Variants in NUP210L observed in about 807,000 individuals in gnomAD.
NUP210L encodes the protein nuclear pore membrane glycoprotein 210-like.
NUP210L carries 74 observed loss-of-function variants against 208.5 expected under a neutral mutation model. That is an observed-to-expected ratio of 0.35 (90% confidence interval 0.29 to 0.43). The LOEUF is 0.43. Ranked by LOEUF, NUP210L falls within the 20% of genes least tolerant of loss-of-function variation. The probability of loss-of-function intolerance (pLI) is 1.00; values close to 1 mark genes in which losing one functional copy is unlikely to be tolerated. For missense variants in NUP210L, 1,843 were observed against 2,289.4 expected (o/e 0.81, Z 3.98); for synonymous variants, 780 against 816.9 (o/e 0.95, Z 0.77).
At chr1:154,100,478 A>T (rs2148062598) in intron 13 of NUP210L, among the ~76,000 whole-genome samples, 5 of 138,930 alleles carry the variant, frequency 3.6e-5, no homozygotes, top group African/African-American at 5.3e-5. Flanking sequence ...AACAAATATG[A>T]TTTCAGTGGG....
intron 11 of NUP210L, 38 bp from the exon 12 acceptor site, chr1:154,117,918 G>A: frequency 6.7e-7 from 1 of 1,486,928 alleles, no homozygotes; most frequent in Non-Finnish European, 9.2e-7. Flanking sequence ...ACAATCGGAA[G>A]AAAATAAAAT....
intron 33 of NUP210L, among the ~76,000 whole-genome samples, chr1:154,013,006 C>CAAAAA (rs149011212): frequency 1.4e-4 from 10 of 72,628 alleles, no homozygotes; most frequent in South Asian, 1.2e-3. Flanking sequence ...AACTCTGAAT[C>CAAAAA]AAAAAAAAAA....
intron 33 of NUP210L, among the ~76,000 whole-genome samples, chr1:154,013,380 C>A (rs1651059499): frequency 6.6e-6 from 1 of 152,038 alleles, no homozygotes; most frequent in Non-Finnish European, 1.5e-5. Flanking sequence ...TTGAGACCAG[C>A]CTGGCCAGCA....
In NUP210L at chr1:153,992,870, G is replaced by A. The variant is rs1450941482; in HGVS notation, c.5632C>T (p.Arg1878Trp). The A allele has an allele frequency of 1.2e-6, 2 of 1,613,278 alleles. No homozygotes were observed. Among genetic ancestry groups the A allele is most frequent in the African/African-American group, 1.3e-5 (1 of 74,958 alleles). ...ATACTCCATAACCAATGTTGCAGCC[G>A]ACTTTGGGCCAATGGAGGTTGTAGA... Residue 1878 changes from arginine (R) to tryptophan (W), a missense_variant, in exon 40 of 40, where the codon CGG (arginine) becomes TGG (tryptophan). Arg to Trp is a moderately radical substitution (Grantham distance 101). Coordinates refer to ENST00000368559, the Ensembl canonical transcript of NUP210L.
chr1:154,103,682 A>G (rs964994053), intron 13 of NUP210L, among the ~76,000 whole-genome samples: 13 of 150,480 alleles, frequency 8.6e-5, no homozygotes, highest in African/African-American at 2.7e-4. Flanking sequence ...AAAAAAAAAA[A>G]AAAAAAGAAA....
intron 6 of NUP210L, among the ~76,000 whole-genome samples, chr1:154,137,722 A>C (rs955399295): frequency 2.0e-5 from 3 of 152,126 alleles, no homozygotes; most frequent in African/African-American, 2.4e-5. Flanking sequence ...TCTCAAAAAA[A>C]TAAAAATAAA....
exon 25 of NUP210L, chr1:154,054,232 G>A: frequency 6.2e-7 from 1 of 1,614,100 alleles, no homozygotes; most frequent in Non-Finnish European, 8.5e-7. Context: ...CAATACCTGA[G>A]AAAACACAAT....
At chr1:154,097,723 T>C (rs1287827088) in intron 14 of NUP210L, among the ~76,000 whole-genome samples, 1 of 152,236 alleles carries the variant, frequency 6.6e-6, no homozygotes, top group East Asian at 1.9e-4. Context: ...GTGCTCCTTA[T>C]TCCAAGAGGC....
At chr1:154,022,266 A>T in exon 32 of NUP210L, 1 of 1,614,160 alleles carries the variant, frequency 6.2e-7, no homozygotes, top group Non-Finnish European at 8.5e-7. Context: ...AAGCCCCACA[A>T]GTGTCAGCCC....
chr1:154,094,864 G>A (rs1183823360), intron 15 of NUP210L, 71 bp downstream of exon 15: 50 of 1,110,826 alleles, frequency 4.5e-5, no homozygotes, highest in Non-Finnish European at 6.5e-5. Flanking sequence ...AATCTGAAAA[G>A]GAATGGCTGG....
At chr1:154,147,917 A>G (rs1450815816) in intron 2 of NUP210L, among the ~76,000 whole-genome samples, 2 of 142,820 alleles carry the variant, frequency 1.4e-5, no homozygotes, top group African/African-American at 5.1e-5. Flanking sequence ...GGCCTCCCAA[A>G]GTGCTGGGAT....
intron 27 of NUP210L, among the ~76,000 whole-genome samples, chr1:154,036,094 T>C (rs1652527278): frequency 6.6e-6 from 1 of 152,112 alleles, no homozygotes; most frequent in African/African-American, 2.4e-5. Context: ...TGTTTCCATT[T>C]TCATTTGTTT....
chr1:154,085,561 C>G (rs1571255392), intron 16 of NUP210L, among the ~76,000 whole-genome samples: 1 of 152,098 alleles, frequency 6.6e-6, no homozygotes, highest in East Asian at 1.9e-4. Context: ...CAATACTCCT[C>G]AAACTGATCT....
chr1:154,086,494 C>G (rs1655629557), intron 16 of NUP210L, among the ~76,000 whole-genome samples: 1 of 152,028 alleles, frequency 6.6e-6, no homozygotes, highest in African/African-American at 2.4e-5. Context: ...AAGTTAAAAA[C>G]TTTTGTGCTT....
chr1:154,042,240 C>T (rs950250030), intron 27 of NUP210L, among the ~76,000 whole-genome samples: 7 of 152,024 alleles, frequency 4.6e-5, no homozygotes, highest in African/African-American at 9.7e-5. Flanking sequence ...GCTGGGACTA[C>T]AGGTGCATGC....
At chr1:154,041,641 A>G (rs1185960081) in intron 27 of NUP210L, among the ~76,000 whole-genome samples, 1 of 151,298 alleles carries the variant, frequency 6.6e-6, no homozygotes, top group Admixed American at 6.6e-5. Context: ...AATGAAAACT[A>G]GAGAAAAAAA....
At chr1:154,094,007 G>A (rs1571264638) in intron 15 of NUP210L, among the ~76,000 whole-genome samples, 1 of 152,166 alleles carries the variant, frequency 6.6e-6, no homozygotes, top group Non-Finnish European at 1.5e-5. Flanking sequence ...AAAATGGCTG[G>A]GCATGGTTGC....
At chr1:154,138,307 G>C in intron 5 of NUP210L, 69 bp from the exon 6 acceptor site, 2 of 1,368,986 alleles carry the variant, frequency 1.5e-6, no homozygotes, top group Middle Eastern at 1.9e-4. Flanking sequence ...CATCTTTCTT[G>C]TTAAAAGCTT....
rs1246835501 is a variant in NUP210L at position 154,008,706 on chromosome 1, A to AAAAAC, written c.4930+1261_4930+1265dup. On this transcript the variant is annotated intron_variant, in intron 35 of 39. Coordinates refer to ENST00000368559, the Ensembl canonical transcript of NUP210L. ...GGGAGACAGAGTGAGGCTCTGTCTCAAAAACAAAACAAAACAAAAAAACAA... is the reference window on the plus strand; with the variant it reads ...GGGAGACAGAGTGAGGCTCTGTCTCAAAAACAAAACAAAACAAAACAAAAAAACAA... Among the ~76,000 whole-genome samples, 5 of 151,764 alleles carry AAAAAC rather than the reference A, an allele frequency of 3.3e-5. No homozygotes were observed. The South Asian group carries it at 6.3e-4, about 19-fold the overall frequency.
Sources: allele counts gnomAD v4.1 joint callset (sites outside exome capture counted in the v4.1 genomes callset), GRCh38; gene constraint gnomAD v4.1.1; transcripts MANE v1.5; gene names NCBI Gene and HGNC (gene_info 2026-07-23, HGNC 2026-07-21).